The following HS3ST4 variants were observed in gnomAD, a reference collection of about 807,000 sequenced individuals.
The protein encoded by HS3ST4 is heparan sulfate-glucosamine 3-sulfotransferase 4.
In HS3ST4, 17 loss-of-function variants were observed where a neutral mutation model predicts 29.2. The observed-to-expected ratio is 0.58, with a 90% confidence interval of 0.40 to 0.87. The LOEUF (loss-of-function observed/expected upper bound fraction) is 0.87, where lower values mean the gene tolerates loss of function less well. HS3ST4 is among the 40% of genes least tolerant of loss of function. The pLI, the probability that HS3ST4 is intolerant of heterozygous loss-of-function variation, is 0.00. For missense variants in HS3ST4, 627 were observed against 634.5 expected, an observed-to-expected ratio of 0.99 and a Z score of 0.13; for synonymous variants, 314 against 285.7, an observed-to-expected ratio of 1.10 and a Z score of -1.00.
At chr16:26,001,237 T>A (rs1285364284) in intron 1 of HS3ST4, among the ~76,000 whole-genome samples, 4 of 152,152 alleles carry the variant, frequency 2.6e-5, no homozygotes, top group Non-Finnish European at 4.4e-5. Context: ...TATAAAAGCA[T>A]CTCATTCTTA....
intron 1 of HS3ST4, among the ~76,000 whole-genome samples, chr16:26,081,778 A>G (rs1186197938): frequency 3.6e-5 from 5 of 137,530 alleles, no homozygotes; most frequent in Middle Eastern, 4.0e-3. Context: ...TACTTCAGGG[A>G]GTACATTCTT....
chr16:25,869,528 G>C (rs1239634384), intron 1 of HS3ST4, among the ~76,000 whole-genome samples: 1 of 152,092 alleles, frequency 6.6e-6, no homozygotes, highest in Non-Finnish European at 1.5e-5. Context: ...AGTCTCACAA[G>C]TAGTGCAGGG....
chr16:26,036,115 A>G (rs1969580436), intron 1 of HS3ST4, among the ~76,000 whole-genome samples: 1 of 152,270 alleles, frequency 6.6e-6, no homozygotes, highest in South Asian at 2.1e-4. Context: ...GAGTTTAGCA[A>G]GAGACTGGGA....
At chr16:25,968,132 A>T (rs1567283694) in intron 1 of HS3ST4, among the ~76,000 whole-genome samples, 1 of 152,146 alleles carries the variant, frequency 6.6e-6, no homozygotes, top group Non-Finnish European at 1.5e-5. Flanking sequence ...ACTCAGGGCC[A>T]GAAAGAGTCC....
In HS3ST4 at chr16:26,036,782, G is replaced by T. The variant is rs550484283; in HGVS notation, c.735-98830G>T. On this transcript the variant is annotated intron_variant, in intron 1 of 1. Coordinates refer to ENST00000331351, the MANE Select transcript of HS3ST4 (RefSeq NM_006040.3). ...TGTAACATAATCTGTATCTTGGAGG[G>T]TTTCTTTGCTGCAGACACAGAAACT... 1.1e-4 allele frequency among the ~76,000 whole-genome samples: 16 copies of T among 152,260 alleles called. No individual in the cohort carries two copies. The South Asian group carries it at 2.9e-3, about 28-fold the overall frequency.
At chr16:25,828,850 C>G (rs1205271442) in intron 1 of HS3ST4, among the ~76,000 whole-genome samples, 1 of 152,142 alleles carries the variant, frequency 6.6e-6, no homozygotes, top group Non-Finnish European at 1.5e-5. Context: ...TGAACTTGGA[C>G]AAGTGATTAA....
intron 1 of HS3ST4, among the ~76,000 whole-genome samples, chr16:26,100,900 C>T (rs1159966196): frequency 6.6e-6 from 1 of 152,092 alleles, no homozygotes; most frequent in East Asian, 1.9e-4. Flanking sequence ...GCAGATGGGG[C>T]GATGGCAGCT....
intron 1 of HS3ST4, among the ~76,000 whole-genome samples, chr16:25,927,022 G>A (rs184028417): frequency 3.3e-5 from 5 of 151,930 alleles, no homozygotes; most frequent in East Asian, 1.9e-4. Flanking sequence ...AGATTGTGCC[G>A]TTGCACTCCA....
intron 1 of HS3ST4, among the ~76,000 whole-genome samples, chr16:25,737,492 A>G (rs989980907): frequency 6.6e-6 from 1 of 152,222 alleles, no homozygotes; most frequent in African/African-American, 2.4e-5. Context: ...TCTCGTAAAC[A>G]GAAAGTCAAA....
At chr16:25,963,701 A>G (rs900044028) in intron 1 of HS3ST4, among the ~76,000 whole-genome samples, 1 of 152,224 alleles carries the variant, frequency 6.6e-6, no homozygotes, top group Non-Finnish European at 1.5e-5. Context: ...TTAGCTCTAC[A>G]TTCTTGTCCT....
chr16:25,833,407 T>G (rs1366632903), intron 1 of HS3ST4, among the ~76,000 whole-genome samples: 1 of 152,182 alleles, frequency 6.6e-6, no homozygotes, highest in Non-Finnish European at 1.5e-5. Context: ...ATTGAACGGC[T>G]CTAAACCTTT....
chr16:25,973,127 T>C (rs1297666866), intron 1 of HS3ST4, among the ~76,000 whole-genome samples: 2 of 152,104 alleles, frequency 1.3e-5, no homozygotes, highest in East Asian at 1.9e-4. Flanking sequence ...TGGAAATGAT[T>C]GTTGTGCTGT....
chr16:25,782,503 A>G (rs1596569223), intron 1 of HS3ST4, among the ~76,000 whole-genome samples: 1 of 152,176 alleles, frequency 6.6e-6, no homozygotes, highest in Non-Finnish European at 1.5e-5. Flanking sequence ...TTTTAGCCGT[A>G]TGGTTCAGAA....
intron 1 of HS3ST4, among the ~76,000 whole-genome samples, chr16:25,946,935 A>G (rs1968631990): frequency 6.6e-6 from 1 of 152,170 alleles, no homozygotes; most frequent in Admixed American, 6.6e-5. Flanking sequence ...CATGCAAGGG[A>G]AAGCATAACA....
At chr16:26,092,106 G>T (rs1898864770) in intron 1 of HS3ST4, among the ~76,000 whole-genome samples, 1 of 152,022 alleles carries the variant, frequency 6.6e-6, no homozygotes, top group Non-Finnish European at 1.5e-5. Context: ...CCTCTCAAAG[G>T]GGACAGAATG....
At chr16:25,924,773 C>T (rs1254043898) in intron 1 of HS3ST4, among the ~76,000 whole-genome samples, 1 of 152,162 alleles carries the variant, frequency 6.6e-6, no homozygotes, top group African/African-American at 2.4e-5. Context: ...TGGAAACAAT[C>T]ACCTGAATTC....
At chr16:26,012,396 G>C (rs185887775) in intron 1 of HS3ST4, among the ~76,000 whole-genome samples, 1 of 152,306 alleles carries the variant, frequency 6.6e-6, no homozygotes, top group East Asian at 1.9e-4. Flanking sequence ...TCAAGATTTA[G>C]GCAGCTGAGA....
In HS3ST4 at chr16:26,136,059, C is replaced by A; in HGVS notation, c.1182C>A (p.Phe394Leu). 1 of 1,613,878 alleles carries A rather than the reference C, an allele frequency of 6.2e-7. No homozygotes were observed. The highest frequency in any genetic ancestry group is 8.5e-7 in the Non-Finnish European group (1 of 1,179,846). Residue 394 changes from phenylalanine to leucine, a missense_variant, in exon 2 of 2, where the codon TTC becomes TTA. Physicochemically the swap from Phe to Leu is conservative, Grantham distance 22 (BLOSUM62 0). Around this residue, in one of 2 missense-constraint regions of HS3ST4, gnomAD observed 225 missense variants for 293.7 expected, o/e 0.77. Transcript: ENST00000331351. ...TCTATTTCAACAAAACCAAGGGGTT[C>A]CCTTGCCTAAAGAAGCCAGAAGACA... ...KHFYFNKTKG[F>L]PCLKKPEDSS...
chr16:25,915,146 C>T (rs1596612665), intron 1 of HS3ST4, among the ~76,000 whole-genome samples: 2 of 152,124 alleles, frequency 1.3e-5, no homozygotes, highest in Non-Finnish European at 2.9e-5. Context: ...GGATTGCTGG[C>T]AGTGGAGGAC....
Sources: gnomAD v4.1 joint callset for allele counts (sites outside exome capture counted in the v4.1 genomes callset) on GRCh38, gnomAD v4.1.1 for gene constraint, gnomAD v4.1.1 regional missense constraint, MANE v1.5 for transcripts, NCBI Gene and HGNC (gene_info 2026-07-23, HGNC 2026-07-21) for gene names.